The following LAMC3 variants were observed in gnomAD, a reference collection of about 807,000 sequenced individuals.
LAMC3 encodes laminin subunit gamma-3.
Under a neutral mutation model 173.8 loss-of-function variants are expected in LAMC3, and 128 were observed. That is an observed-to-expected ratio of 0.74 (90% CI 0.64 to 0.85). The LOEUF is 0.85. Among genes scored for constraint, LAMC3 ranks in the 40% least tolerant of loss-of-function variants. LAMC3 has a pLI of 0.00. For missense variants in LAMC3, 2,022 were observed against 2,156.0 expected (o/e 0.94, Z 1.23); for synonymous variants, 897 against 909.1 (o/e 0.99, Z 0.24).
chr9:131,070,364 T>C (rs1448140487), intron 17 of LAMC3, among the ~76,000 whole-genome samples: 2 of 152,208 alleles, frequency 1.3e-5, no homozygotes, highest in Non-Finnish European at 2.9e-5. Flanking sequence ...AATCCTTTTC[T>C]AGAAACCAGT....
intron 1 of LAMC3, among the ~76,000 whole-genome samples, chr9:131,011,630 T>A (rs950667587): frequency 3.4e-5 from 5 of 146,874 alleles, no homozygotes; most frequent in African/African-American, 1.3e-4. Context: ...AGGTGGGGCT[T>A]CTGAATGGGA....
intron 15 of LAMC3, among the ~76,000 whole-genome samples, 170 bp downstream of exon 15, chr9:131,068,401 C>G (rs559725179): frequency 6.6e-6 from 1 of 152,192 alleles, no homozygotes; most frequent in African/African-American, 2.4e-5. Flanking sequence ...TGGCATCCGA[C>G]TCATGCTCCT....
chr9:131,012,070 C>CACACAT (rs1405804593), intron 1 of LAMC3, among the ~76,000 whole-genome samples: 1 of 151,624 alleles, frequency 6.6e-6, no homozygotes, highest in African/African-American at 2.4e-5. Flanking sequence ...CATACACACA[C>CACACAT]ACACACACAC....
In LAMC3 at chr9:131,038,950, TG is replaced by T. The variant is rs756058789; in HGVS notation, c.1064del (p.Cys355SerfsTer53). ...AGGCCACGGCGGGCGCTGTCACCAC[TG>T]CCGTGACCACACAGCTGGGCCACAC... ...STGHGGRCHH[C>X]RDHTAGPHCE... On this transcript the variant is annotated frameshift_variant, in exon 5 of 28. Transcript: ENST00000361069. LOFTEE classifies it high-confidence loss of function. 63 of 1,613,172 alleles carry T rather than the reference TG, an allele frequency of 3.9e-5. No homozygotes were observed. Among genetic ancestry groups the T allele is most frequent in the Non-Finnish European group, 5.1e-5 (60 of 1,179,970 alleles).
intron 11 of LAMC3, among the ~76,000 whole-genome samples, chr9:131,056,495 A>AAG (rs1395399790): frequency 1.3e-3 from 24 of 18,194 alleles, no homozygotes; most frequent in Non-Finnish European, 3.0e-3. Context: ...TGACAATTTG[A>AAG]AAAATAAAAA....
At chr9:131,011,827 A>G (rs1479243481) in intron 1 of LAMC3, among the ~76,000 whole-genome samples, 1 of 152,068 alleles carries the variant, frequency 6.6e-6, no homozygotes, top group Non-Finnish European at 1.5e-5. Context: ...CCAAGGAAAG[A>G]GCTCAGCCCA....
At chr9:131,036,385 C>A (rs564331865) in intron 4 of LAMC3, 53 bp downstream of exon 4, 1 of 1,603,600 alleles carries the variant, frequency 6.2e-7, no homozygotes. Context: ...GTGTTGCAGG[C>A]GGGGAAAGGA....
chr9:131,061,340 GC>G, intron 13 of LAMC3, 117 bp downstream of exon 13: 1 of 855,912 alleles, frequency 1.2e-6, no homozygotes, highest in Non-Finnish European at 1.8e-6. Context: ...GTGAGGGAGA[GC>G]CCAGCTTACG....
intron 23 of LAMC3, among the ~76,000 whole-genome samples, chr9:131,080,990 T>C (rs1192555433): frequency 2.6e-5 from 4 of 152,230 alleles, no homozygotes; most frequent in Non-Finnish European, 5.9e-5. Context: ...TTATGCCACC[T>C]CCACCTCAGT....
chr9:131,074,268 C>T (rs1328460253), intron 20 of LAMC3, among the ~76,000 whole-genome samples: 3 of 151,780 alleles, frequency 2.0e-5, no homozygotes, highest in Non-Finnish European at 4.4e-5. Context: ...TTTCAAGGCT[C>T]ATCCACATTG....
chr9:131,068,383 T>C (rs1829978918), intron 15 of LAMC3, 152 bp downstream of exon 15: 1 of 789,334 alleles, frequency 1.3e-6, no homozygotes, highest in Non-Finnish European at 2.0e-6. Context: ...AGCAAAGGGA[T>C]GGACTCTTGG....
At chr9:131,068,852 C>T in intron 15 of LAMC3, 56 bp from the exon 16 acceptor site, 2 of 1,607,290 alleles carry the variant, frequency 1.2e-6, no homozygotes, top group East Asian at 4.5e-5. Flanking sequence ...CCGGCAGAGG[C>T]TGGGCCAGGA....
At chr9:131,079,382 G>C in intron 23 of LAMC3, 84 bp downstream of exon 23, 1 of 1,518,760 alleles carries the variant, frequency 6.6e-7, no homozygotes, top group Non-Finnish European at 9.0e-7. Flanking sequence ...TTGCAGGAGG[G>C]AGAAGGGCAG....
rs948820239 is a variant in LAMC3, at chr9:131,069,530, GC to G, written c.2891-139del. On this transcript the variant is annotated intron_variant, in intron 16 of 27. Transcript: ENST00000361069. ...TCTGAATCAGAATCTCCAGGGAAGG[GC>G]CCAGGAATGTTTTTGATGCTGCCTA... The G allele has an allele frequency of 1.1e-5, 9 of 794,748 alleles. No individual in the cohort carries two copies. The Admixed American group carries it at 1.6e-4, about 15-fold the overall frequency. 49.2% of individuals were successfully genotyped at this position (794,748 alleles called of 1,614,324 possible).
At chr9:131,038,007 C>T (rs1314254663) in intron 4 of LAMC3, among the ~76,000 whole-genome samples, 1 of 152,244 alleles carries the variant, frequency 6.6e-6, no homozygotes, top group African/African-American at 2.4e-5. Context: ...ATGCCGTCTG[C>T]AGCCAGCCTC....
rs149539277 is a variant in LAMC3, at chr9:131,039,170, C to T, written c.1205C>T (p.Ala402Val). Residue 402 changes from alanine (A) to valine (V), a missense_variant, in exon 6 of 28, where the codon GCC becomes GTC. Coordinates refer to ENST00000361069, the MANE Select transcript of LAMC3 (RefSeq NM_006059.4). The stretch of plus-strand genomic sequence containing the variant: ...CAGTGCGATGACACAGGCACCTGCG[C>T]CTGCAAGCCCACGGTGACTGGCTGG... ...HLQCDDTGTC[A>V]CKPTVTGWKC... 8.1e-6 allele frequency: 13 copies of T among 1,610,940 alleles called. No homozygotes were observed. Among genetic ancestry groups the T allele is most frequent in the South Asian group, 1.1e-5 (1 of 91,086 alleles).
intron 7 of LAMC3, among the ~76,000 whole-genome samples, chr9:131,042,519 A>G (rs553729871): frequency 2.7e-5 from 4 of 150,828 alleles, no homozygotes; most frequent in South Asian, 2.1e-4. Flanking sequence ...AGCATTGTCA[A>G]TGCACCCCTT....
intron 21 of LAMC3, among the ~76,000 whole-genome samples, chr9:131,076,664 C>T (rs1196395456): frequency 1.3e-5 from 2 of 152,134 alleles, no homozygotes; most frequent in Non-Finnish European, 2.9e-5. Flanking sequence ...ATGTGGACAG[C>T]TGGTCAGGAC....
chr9:131,032,556 C>CTCTCTT (rs1564368382), intron 3 of LAMC3, among the ~76,000 whole-genome samples: 1 of 123,896 alleles, frequency 8.1e-6, no homozygotes, highest in Non-Finnish European at 1.5e-5. Context: ...TGCTCTCTCT[C>CTCTCTT]GCTCTCTCTC....
Sources: allele counts gnomAD v4.1 joint callset (sites outside exome capture counted in the v4.1 genomes callset), GRCh38; gene constraint gnomAD v4.1.1; transcripts MANE v1.5; gene names NCBI Gene and HGNC (gene_info 2026-07-23, HGNC 2026-07-21).